The following KLRG1 variants were observed in gnomAD, a reference collection of about 807,000 sequenced individuals.
KLRG1 encodes the protein killer cell lectin-like receptor subfamily G member 1.
Under a neutral mutation model 21.8 loss-of-function variants are expected in KLRG1, and 16 were observed. That is an observed-to-expected ratio of 0.73 (90% CI 0.50 to 1.11). KLRG1 has a LOEUF of 1.11. Among genes scored for constraint, KLRG1 ranks in the 50% most tolerant of loss-of-function variants. KLRG1 has a pLI of 0.00. For missense variants in KLRG1, 173 were observed against 218.3 expected (o/e 0.79, Z 1.31); for synonymous variants, 69 against 75.9 (o/e 0.91, Z 0.47).
At chr12:9,196,054 G>A in the KLRG1 span, among the ~76,000 whole-genome samples, 4 of 152,094 alleles carry the variant, frequency 2.6e-5, no homozygotes, top group Non-Finnish European at 4.4e-5. Flanking sequence ...TAAACTGCAT[G>A]AAAGAAGAGG....
At chr12:8,957,541 GT>G (rs202035857) in intron 1 of KLRG1, among the ~76,000 whole-genome samples, 2,445 of 151,498 alleles carry the variant, frequency 0.016, 73 homozygotes, top group African/African-American at 0.056. Flanking sequence ...TTGTTTTTTT[GT>G]TTTTTGTTTT....
the KLRG1 span, chr12:9,115,112 CATT>C: frequency 0.36 from 53,943 of 151,830 alleles, 10,009 homozygotes; most frequent in African/African-American, 0.41. Flanking sequence ...ACAATTGCAT[CATT>C]GTTACCACTT....
the KLRG1 span, chr12:9,194,092 ATTAACCGAGATAC>A: frequency 6.2e-7 from 1 of 1,613,564 alleles, no homozygotes. Flanking sequence ...CAAAAAGTTT[ATTAACCGAGATAC>A]TGGTAGTATT....
the KLRG1 span, chr12:9,200,878 T>G: frequency 6.2e-7 from 1 of 1,606,320 alleles, no homozygotes; most frequent in Non-Finnish European, 8.5e-7. Flanking sequence ...TTTTTCATCT[T>G]CCATAATCCA....
At chr12:9,127,578 C>T in the KLRG1 span, among the ~76,000 whole-genome samples, 3 of 152,330 alleles carry the variant, frequency 2.0e-5, no homozygotes, top group East Asian at 5.8e-4. Flanking sequence ...GGCTGGGCAG[C>T]GGCTCCGTGC....
intron 1 of KLRG1, among the ~76,000 whole-genome samples, chr12:8,956,367 G>A (rs1203419905): frequency 6.6e-6 from 1 of 152,188 alleles, no homozygotes; most frequent in Non-Finnish European, 1.5e-5. Flanking sequence ...ACACAAACGA[G>A]CTGAGACTCT....
intron 1 of KLRG1, among the ~76,000 whole-genome samples, chr12:8,980,448 T>G (rs1946735852): frequency 6.6e-6 from 1 of 152,194 alleles, no homozygotes; most frequent in African/African-American, 2.4e-5. Context: ...TGATGTCATA[T>G]TTTCTTAATT....
the KLRG1 span, among the ~76,000 whole-genome samples, chr12:9,062,152 TA>T: frequency 6.8e-6 from 1 of 146,494 alleles, no homozygotes; most frequent in Admixed American, 6.9e-5. Flanking sequence ...ATATATTGTA[TA>T]AAAAATCACC....
chr12:9,111,359 T>C, the KLRG1 span, among the ~76,000 whole-genome samples: 3 of 152,168 alleles, frequency 2.0e-5, no homozygotes, highest in Admixed American at 6.5e-5. Flanking sequence ...CAAAGCCAAG[T>C]TAGGCTGACA....
the KLRG1 span, chr12:9,149,109 T>C: frequency 1.1e-6 from 1 of 901,452 alleles, no homozygotes; most frequent in Admixed American, 1.9e-5. Flanking sequence ...AAAGGCCAGA[T>C]GGTAATTATT....
chr12:9,074,046 C>T, the KLRG1 span, among the ~76,000 whole-genome samples: 1 of 147,792 alleles, frequency 6.8e-6, no homozygotes, highest in Non-Finnish European at 1.5e-5. Flanking sequence ...CGAGATTGCA[C>T]CACTGCATTC....
the KLRG1 span, chr12:9,036,895 C>T: frequency 8.8e-6 from 3 of 341,106 alleles, no homozygotes; most frequent in South Asian, 3.2e-5. Flanking sequence ...AGTGGGCTAC[C>T]GGATGGGGGA....
chr12:9,109,450 T>C, the KLRG1 span: 1 of 1,472,514 alleles, frequency 6.8e-7, no homozygotes. Flanking sequence ...TTTTCAACTT[T>C]GGGGGAATTC....
At chr12:8,953,549 G>C (rs912622313) in intron 1 of KLRG1, among the ~76,000 whole-genome samples, 13 of 152,170 alleles carry the variant, frequency 8.5e-5, no homozygotes. Flanking sequence ...GCTTTAAACT[G>C]TCTTCAGCTT....
chr12:8,954,235 T>A (rs1320931085), intron 1 of KLRG1, among the ~76,000 whole-genome samples: 1 of 151,704 alleles, frequency 6.6e-6, no homozygotes, highest in Non-Finnish European at 1.5e-5. Flanking sequence ...TTGAAAAAAA[T>A]CACCATAGAA....
At chr12:9,068,751 TAA>T in the KLRG1 span, 1 of 1,603,022 alleles carries the variant, frequency 6.2e-7, no homozygotes, top group Non-Finnish European at 8.5e-7. Context: ...CGTCTCGTAG[TAA>T]TCATAGACTT....
At chr12:9,014,538 A>C (rs1242245634), downstream of KLRG1, among the ~76,000 whole-genome samples, 1 of 152,172 alleles carries the variant, frequency 6.6e-6, no homozygotes, top group African/African-American at 2.4e-5. Context: ...AGGGAGAAAT[A>C]ATGACTTTCC....
At chr12:8,989,511 A>T (rs774236780), upstream of KLRG1, 5 of 633,618 alleles carry the variant, frequency 7.9e-6, no homozygotes, top group Non-Finnish European at 1.4e-5. Flanking sequence ...CTGAAAAATT[A>T]CTTCTGCTTT....
At chr12:9,175,149 T>C in the KLRG1 span, among the ~76,000 whole-genome samples, 1 of 152,078 alleles carries the variant, frequency 6.6e-6, no homozygotes, top group African/African-American at 2.4e-5. Flanking sequence ...AACTCAGAGA[T>C]AAAACCGCAA....
Sources: gnomAD v4.1 joint callset for allele counts (sites outside exome capture counted in the v4.1 genomes callset) on GRCh38, gnomAD v4.1.1 for gene constraint, MANE v1.5 for transcripts, NCBI Gene and HGNC (gene_info 2026-07-23, HGNC 2026-07-21) for gene names.